The following OXR1 variants were observed in gnomAD, a reference collection of about 807,000 sequenced individuals.
The protein encoded by OXR1 is oxidation resistance 1, also known as oxidation resistance protein 1.
OXR1 carries 41 observed loss-of-function variants against 104.6 expected under a neutral mutation model. That is an observed-to-expected ratio of 0.39 (90% CI 0.31 to 0.51). OXR1 has a LOEUF of 0.51. Among genes scored for constraint, OXR1 ranks in the 20% least tolerant of loss-of-function variants. OXR1 has a pLI of 0.77. For missense variants in OXR1, 955 were observed against 1,031.9 expected, an observed-to-expected ratio of 0.93 and a Z score of 1.02; for synonymous variants, 348 against 348.4, an observed-to-expected ratio of 1.00 and a Z score of 0.01.
chr8:106,345,889 A>G (rs772501320), intron 1 of OXR1, among the ~76,000 whole-genome samples: 6 of 152,210 alleles, frequency 3.9e-5, no homozygotes, highest in Non-Finnish European at 5.9e-5. Flanking sequence ...AGAAAAATTG[A>G]AACCATGGAT....
chr8:106,378,501 T>G (rs992380036), intron 2 of OXR1, among the ~76,000 whole-genome samples: 3 of 149,648 alleles, frequency 2.0e-5, no homozygotes, highest in African/African-American at 7.6e-5. Flanking sequence ...CATCTGACTT[T>G]TGTTGTTGTT....
intron 2 of OXR1, among the ~76,000 whole-genome samples, chr8:106,366,919 A>G (rs1441859819): frequency 6.6e-6 from 1 of 152,098 alleles, no homozygotes; most frequent in African/African-American, 2.4e-5. Context: ...TCTTTCATGT[A>G]TTACATTTTG....
intron 7 of OXR1, 26 bp downstream of exon 7, chr8:106,692,903 C>T: frequency 6.6e-7 from 1 of 1,514,292 alleles, no homozygotes; most frequent in East Asian, 2.3e-5. Context: ...TTAGAGAAGA[C>T]CTTTAATCAT....
intron 11 of OXR1, among the ~76,000 whole-genome samples, chr8:106,716,740 G>T (rs893968294): frequency 6.6e-5 from 10 of 150,702 alleles, no homozygotes; most frequent in Admixed American, 3.3e-4. Flanking sequence ...GATTAATATT[G>T]AAGTGATAAT....
intron 5 of OXR1, among the ~76,000 whole-genome samples, 192 bp from the exon 6 acceptor site, chr8:106,684,054 G>A (rs941368351): frequency 5.3e-5 from 8 of 152,008 alleles, no homozygotes; most frequent in South Asian, 4.2e-4. Flanking sequence ...TATTCCAGCC[G>A]TATATATTAT....
At chr8:106,481,600 G>A (rs891710359) in intron 2 of OXR1, among the ~76,000 whole-genome samples, 3 of 152,028 alleles carry the variant, frequency 2.0e-5, no homozygotes, top group Non-Finnish European at 2.9e-5. Context: ...ATTAAAATGA[G>A]CTATGGAGAA....
chr8:106,489,524 T>C (rs77582750), intron 2 of OXR1, among the ~76,000 whole-genome samples: 3,063 of 152,292 alleles, frequency 0.02, 95 homozygotes, highest in African/African-American at 0.069. Context: ...ATATCTTATA[T>C]GTAGTAGATA....
At chr8:106,280,121 G>A (rs1447141460) in intron 1 of OXR1, among the ~76,000 whole-genome samples, 1 of 152,122 alleles carries the variant, frequency 6.6e-6, no homozygotes, top group Admixed American at 6.5e-5. Flanking sequence ...TGCTGGGCAG[G>A]CACATTAGAC....
At chr8:106,658,775 TC>T (rs1825442745) in intron 3 of OXR1, among the ~76,000 whole-genome samples, 1 of 152,216 alleles carries the variant, frequency 6.6e-6, no homozygotes, top group Non-Finnish European at 1.5e-5. Context: ...CTTTCTCAGT[TC>T]CTGTTTATTT....
chr8:106,404,126 G>A (rs1363983206), intron 2 of OXR1, among the ~76,000 whole-genome samples: 2 of 152,098 alleles, frequency 1.3e-5, no homozygotes, highest in Admixed American at 1.3e-4. Context: ...GTTGTTGGGG[G>A]ACAAATCAAT....
chr8:106,666,363 A>G (rs1199674086), intron 3 of OXR1, among the ~76,000 whole-genome samples: 2 of 152,212 alleles, frequency 1.3e-5, no homozygotes, highest in African/African-American at 2.4e-5. Flanking sequence ...AATTGCAGCT[A>G]ATGCAAATGA....
intron 2 of OXR1, among the ~76,000 whole-genome samples, chr8:106,493,502 G>A (rs1301399905): frequency 9.2e-6 from 1 of 108,146 alleles, no homozygotes; most frequent in Non-Finnish European, 1.9e-5. Flanking sequence ...TCTGAGGATG[G>A]GCCCCAGGAA....
intron 2 of OXR1, among the ~76,000 whole-genome samples, chr8:106,401,119 A>G (rs1425311816): frequency 6.6e-6 from 1 of 152,152 alleles, no homozygotes; most frequent in Non-Finnish European, 1.5e-5. Flanking sequence ...ATCCGGCTGT[A>G]TCATTGGCCA....
intron 3 of OXR1, among the ~76,000 whole-genome samples, chr8:106,652,678 A>C (rs1193951024): frequency 1.1e-4 from 15 of 138,352 alleles, no homozygotes; most frequent in African/African-American, 4.1e-4. Context: ...CAATAGCCTA[A>C]CCTTCTGCCT....
At chr8:106,592,568 G>A (rs1819181643) in intron 3 of OXR1, among the ~76,000 whole-genome samples, 1 of 152,166 alleles carries the variant, frequency 6.6e-6, no homozygotes, top group African/African-American at 2.4e-5. Flanking sequence ...AGGCAACAGT[G>A]AAATGAAGAG....
chr8:106,567,023 T>C (rs1176245281), intron 3 of OXR1, among the ~76,000 whole-genome samples: 1 of 151,960 alleles, frequency 6.6e-6, no homozygotes, highest in Non-Finnish European at 1.5e-5. Context: ...TAGATGATGG[T>C]TTAATAGGTG....
rs1436473704 is a variant in OXR1, at chr8:106,488,153, T to A, written c.24-30790T>A. Among the ~76,000 whole-genome samples the A allele has an allele frequency of 1.4e-5, 2 of 145,326 alleles. 1 individual carries two copies. The highest frequency in any genetic ancestry group is 4.1e-4 in the East Asian group (2 of 4,852). On this transcript the variant is annotated intron_variant, in intron 2 of 16. Coordinates refer to ENST00000517566, the MANE Select transcript of OXR1 (RefSeq NM_001198533.2). ...GATGGTATCTCATTGTGGTTTTGAT[T>A]TGCATTTCTCTGATGGCCAGTGATG...
chr8:106,584,472 A>C lies in OXR1; in HGVS notation c.220+65333A>C, dbSNP rs113779366. 4.3e-3 allele frequency among the ~76,000 whole-genome samples: 662 copies of C among 152,188 alleles called. 3 individuals are homozygous for C. The highest frequency in any genetic ancestry group is 0.015 in the African/African-American group (607 of 41,546). ...GCATATTATCATGAAACTTCAGAAA[A>C]CTTGTTTCAAAGAAAAGATTCTTAA... On this transcript the variant is annotated intron_variant, in intron 3 of 16. Transcript: ENST00000517566.
chr8:106,418,674 T>G (rs1007502044), intron 2 of OXR1, among the ~76,000 whole-genome samples: 1 of 152,136 alleles, frequency 6.6e-6, no homozygotes, highest in African/African-American at 2.4e-5. Context: ...GAATTCATGT[T>G]CACAAGACAA....
Sources: allele counts gnomAD v4.1 joint callset (sites outside exome capture counted in the v4.1 genomes callset), GRCh38; gene constraint gnomAD v4.1.1; transcripts MANE v1.5; gene names NCBI Gene and HGNC (gene_info 2026-07-23, HGNC 2026-07-21).